SVOPL: variants seen among roughly 807,000 people sequenced by gnomAD.
The protein encoded by SVOPL is SVOP like.
SVOPL carries 60 observed loss-of-function variants against 61.0 expected under a neutral mutation model. The observed-to-expected ratio is 0.98, with a 90% CI of 0.80 to 1.22. The LOEUF (loss-of-function observed/expected upper bound fraction) is 1.22, where lower values mean the gene tolerates loss of function less well. SVOPL is among the 50% of genes most tolerant of loss of function. The probability of loss-of-function intolerance (pLI) is 0.00; values close to 1 mark genes in which losing one functional copy is unlikely to be tolerated. For missense variants in SVOPL, 662 were observed against 643.9 expected (o/e 1.03, Z -0.30); for synonymous variants, 279 against 250.0 (o/e 1.12, Z -1.09).
At chr7:138,660,523 TATAA>T (rs1801957215) in intron 5 of SVOPL, 1 of 986,056 alleles carries the variant, frequency 1.0e-6, no homozygotes. Context: ...AATGGCTGGC[TATAA>T]ATGTTCCAGT....
chr7:138,610,712 C>G (rs138228643), intron 14 of SVOPL, among the ~76,000 whole-genome samples: 1 of 152,208 alleles, frequency 6.6e-6, no homozygotes, highest in African/African-American at 2.4e-5. Flanking sequence ...TAAACACTAA[C>G]GTAGTTTCTA....
At chr7:138,624,593 T>C (rs1268497221) in intron 13 of SVOPL, among the ~76,000 whole-genome samples, 1 of 152,170 alleles carries the variant, frequency 6.6e-6, no homozygotes, top group African/African-American at 2.4e-5. Flanking sequence ...CATCTTGATA[T>C]ATCAAGTCAA....
intron 13 of SVOPL, 71 bp downstream of exon 13, chr7:138,625,898 A>G (rs1799869191): frequency 6.8e-7 from 1 of 1,464,018 alleles, no homozygotes; most frequent in Non-Finnish European, 9.5e-7. Context: ...GGCATGCATT[A>G]CCTTTGGATG....
chr7:138,676,526 C>A (rs1185933964), intron 3 of SVOPL, among the ~76,000 whole-genome samples: 1 of 147,512 alleles, frequency 6.8e-6, no homozygotes, highest in African/African-American at 2.7e-5. Context: ...GGGCCTTAAT[C>A]CCATTCACGA....
chr7:138,661,583 G>A (rs554794004), intron 5 of SVOPL: 557 of 985,198 alleles, frequency 5.7e-4, no homozygotes, highest in Non-Finnish European at 5.3e-4. Context: ...AAAGGTTACC[G>A]CAAGTTGCAC....
chr7:138,645,260 G>A (rs1009626501), intron 8 of SVOPL, among the ~76,000 whole-genome samples: 9 of 151,466 alleles, frequency 5.9e-5, no homozygotes, highest in East Asian at 2.0e-4. Flanking sequence ...GCACCCACAC[G>A]GTGGAGGAAT....
chr7:138,690,145 G>A (rs1802909264), intron 1 of SVOPL, among the ~76,000 whole-genome samples: 3 of 152,106 alleles, frequency 2.0e-5, no homozygotes, highest in Admixed American at 6.6e-5. Context: ...CTAGCCTCTC[G>A]AATCATGAAA....
chr7:138,625,479 C>T (rs1294626069), intron 13 of SVOPL, among the ~76,000 whole-genome samples: 1 of 152,110 alleles, frequency 6.6e-6, no homozygotes, highest in Non-Finnish European at 1.5e-5. Flanking sequence ...AGGAAATACT[C>T]CAGCTACCTC....
At chr7:138,607,182 C>A (rs1798796723) in intron 14 of SVOPL, among the ~76,000 whole-genome samples, 1 of 151,980 alleles carries the variant, frequency 6.6e-6, no homozygotes, top group Admixed American at 6.6e-5. Context: ...TTTGAGACAT[C>A]CAGGCGAAAA....
chr7:138,597,043 CAA>C (rs1445327381), intron 14 of SVOPL: 1 of 1,153,070 alleles, frequency 8.7e-7, no homozygotes, highest in African/African-American at 1.6e-5. Context: ...TGTGTGACAC[CAA>C]AACTCTTTGG....
intron 9 of SVOPL, among the ~76,000 whole-genome samples, chr7:138,637,297 A>T (rs1800513193): frequency 6.6e-6 from 1 of 151,800 alleles, no homozygotes; most frequent in Non-Finnish European, 1.5e-5. Flanking sequence ...GTGTGGTGGT[A>T]CAAGCCTGTA....
intron 1 of SVOPL, among the ~76,000 whole-genome samples, chr7:138,686,329 G>A (rs980421194): frequency 6.0e-5 from 9 of 148,924 alleles, no homozygotes; most frequent in East Asian, 2.0e-4. Flanking sequence ...CTTGAACCCC[G>A]GGGGGGGCGG....
intron 4 of SVOPL, among the ~76,000 whole-genome samples, chr7:138,665,730 A>G (rs931517933): frequency 1.3e-5 from 2 of 152,198 alleles, no homozygotes; most frequent in African/African-American, 4.8e-5. Context: ...ACACAAGCCA[A>G]CTGGGGTACA....
At chr7:138,616,518 TAG>T (rs1487518686) in intron 14 of SVOPL, among the ~76,000 whole-genome samples, 3 of 152,094 alleles carry the variant, frequency 2.0e-5, no homozygotes, top group East Asian at 3.9e-4. Context: ...ATATTTTTAG[TAG>T]AGACAGGGTT....
At chr7:138,613,480 T>C (rs1333679741) in intron 14 of SVOPL, among the ~76,000 whole-genome samples, 1 of 152,160 alleles carries the variant, frequency 6.6e-6, no homozygotes, top group Admixed American at 6.6e-5. Context: ...ACCATGGCTA[T>C]TTCCTATTCC....
rs752902462 is a variant in SVOPL, at chr7:138,628,330, G to A, written c.897C>T (p.Ile299=). The stretch of plus-strand genomic sequence containing the variant: ...GCTCCAGCAGCTCAGCACTGGCCAG[G>A]ATAACCCCATAGTAGGCAAAAGAGA... ...LGISFAYYGV[I]LASAELLERD... The change falls in exon 11 of 16, where the codon ATC becomes ATT. Residue 299 remains isoleucine, a synonymous_variant. Coordinates refer to ENST00000674285, the MANE Select transcript of SVOPL (RefSeq NM_001139456.2). The A allele has an allele frequency of 6.2e-7, 1 of 1,614,120 alleles. No individual in the cohort carries two copies. Among genetic ancestry groups the A allele is most frequent in the Admixed American group, 1.7e-5 (1 of 59,998 alleles).
intron 3 of SVOPL, among the ~76,000 whole-genome samples, chr7:138,677,173 G>A (rs1007458950): frequency 3.3e-5 from 5 of 152,034 alleles, no homozygotes; most frequent in African/African-American, 1.2e-4. Context: ...CAAAGTGCTG[G>A]GATTACAGGC....
intron 1 of SVOPL, among the ~76,000 whole-genome samples, chr7:138,685,408 G>A (rs2117131373): frequency 6.6e-6 from 1 of 152,238 alleles, no homozygotes; most frequent in Non-Finnish European, 1.5e-5. Context: ...GCAGAGAGTG[G>A]AATAGTGGAT....
At chr7:138,670,612 A>C (rs1802390427) in intron 4 of SVOPL, among the ~76,000 whole-genome samples, 1 of 152,196 alleles carries the variant, frequency 6.6e-6, no homozygotes, top group Admixed American at 6.5e-5. Context: ...GCCCCCTGTC[A>C]ACCAAACTAT....
Sources: gnomAD v4.1 joint callset for allele counts (sites outside exome capture counted in the v4.1 genomes callset) on GRCh38, gnomAD v4.1.1 for gene constraint, MANE v1.5 for transcripts, NCBI Gene and HGNC (gene_info 2026-07-23, HGNC 2026-07-21) for gene names.